RHOT1: variants seen among roughly 807,000 people sequenced by gnomAD.
RHOT1 encodes the protein ras homolog family member T1.
Under a neutral mutation model 95.3 loss-of-function variants are expected in RHOT1, and 27 were observed. The observed-to-expected ratio is 0.28, with a 90% CI of 0.21 to 0.39. RHOT1 has a LOEUF of 0.39. Among genes scored for constraint, RHOT1 ranks in the 10% least tolerant of loss-of-function variants. The pLI, the probability that RHOT1 is intolerant of heterozygous loss-of-function variation, is 1.00. For synonymous variants in RHOT1, 227 were observed against 263.5 expected (o/e 0.86, Z 1.34); for missense variants, 578 against 786.7 (o/e 0.73, Z 3.17).
chr17:32,153,852 T>C (rs191149554), intron 1 of RHOT1, among the ~76,000 whole-genome samples: 13 of 152,296 alleles, frequency 8.5e-5, no homozygotes, highest in Non-Finnish European at 1.5e-4. Flanking sequence ...AAGGCCTTGC[T>C]GTTTTGAGTA....
At chr17:32,149,617 A>AGCG (rs2031942627) in intron 1 of RHOT1, among the ~76,000 whole-genome samples, 1 of 83,684 alleles carries the variant, frequency 1.2e-5, no homozygotes, top group African/African-American at 6.3e-5. Flanking sequence ...ATATATATAT[A>AGCG]TATATATATA....
In RHOT1 at chr17:32,150,874, A is replaced by G. The variant is rs73284185; in HGVS notation, c.37+8145A>G. ...GTAGAAATCTGAAACCACGGGAGAA[A>G]AAGCATAAGCACTGGGGGATGTTCT... On this transcript the variant is annotated intron_variant, in intron 1 of 19. Transcript: ENST00000545287. The G allele has an allele frequency of 7.7e-3, 11,839 of 1,538,086 alleles. 799 individuals are homozygous for G. The African/African-American group carries it at 0.14, about 19-fold the overall frequency.
At chr17:32,158,765 G>A (rs780520847) in intron 1 of RHOT1, among the ~76,000 whole-genome samples, 3 of 152,098 alleles carry the variant, frequency 2.0e-5, no homozygotes, top group South Asian at 4.1e-4. Flanking sequence ...GCCGTTTCTT[G>A]GTATTTTAGC....
chr17:32,159,061 G>A (rs954921256), intron 1 of RHOT1, among the ~76,000 whole-genome samples: 9 of 152,132 alleles, frequency 5.9e-5, no homozygotes, highest in African/African-American at 2.2e-4. Flanking sequence ...CAGGCCTGGA[G>A]CCTCCACTAT....
At chr17:32,156,816 A>G (rs1476535732) in intron 1 of RHOT1, among the ~76,000 whole-genome samples, 2 of 152,270 alleles carry the variant, frequency 1.3e-5, no homozygotes, top group Non-Finnish European at 2.9e-5. Flanking sequence ...GCCAGTGCTC[A>G]TTTTAACACC....
chr17:32,159,951 C>T (rs1199168512), intron 1 of RHOT1: 2 of 152,174 alleles, frequency 1.3e-5, no homozygotes, highest in Non-Finnish European at 2.9e-5. Context: ...ACTTGTGACG[C>T]GGGTCCTCCC....
intron 1 of RHOT1, among the ~76,000 whole-genome samples, chr17:32,154,298 A>AAAAAAAAAAAAAAG (rs1301314348): frequency 6.7e-6 from 1 of 150,102 alleles, no homozygotes; most frequent in African/African-American, 2.5e-5. Flanking sequence ...AAAAAAAAAA[A>AAAAAAAAAAAAAAG]GGCCAGGCGC....
At chr17:32,182,196 T>C (rs73286156) in intron 6 of RHOT1, among the ~76,000 whole-genome samples, 1,725 of 152,320 alleles carry the variant, frequency 0.011, 35 homozygotes, top group African/African-American at 0.039. Context: ...TTTTCACTAT[T>C]GGAATGATCA....
chr17:32,160,423 G>A (rs1016968030), intron 1 of RHOT1: 5 of 152,398 alleles, frequency 3.3e-5, no homozygotes, highest in East Asian at 1.9e-4. Context: ...ACAAGAACTC[G>A]GGACCTGCTG....
At chr17:32,164,782 G>A (rs8064658) in intron 1 of RHOT1, among the ~76,000 whole-genome samples, 6,908 of 151,926 alleles carry the variant, frequency 0.045, 535 homozygotes, top group African/African-American at 0.16. Context: ...TGGGAGGATC[G>A]TTGATCCTGG....
chr17:32,211,913 GA>G (rs901470541), intron 19 of RHOT1, among the ~76,000 whole-genome samples: 10 of 150,062 alleles, frequency 6.7e-5, no homozygotes, highest in Non-Finnish European at 1.3e-4. Flanking sequence ...GAAAGAAAGA[GA>G]AAAAAAAAGG....
In RHOT1 at chr17:32,224,738, A is replaced by T; in HGVS notation, c.*5A>T. On this transcript the variant is annotated 3_prime_UTR_variant, in exon 20 of 20. Coordinates refer to ENST00000545287, the MANE Select transcript of RHOT1 (RefSeq NM_001033566.3). ...GCATTATTGAAACAGCGATGATATA[A>T]AAAGAAATACTGTCCCTACCAAAAA... The T allele has an allele frequency of 6.4e-7, 1 of 1,560,252 alleles. No individual in the cohort carries two copies. Among genetic ancestry groups the T allele is most frequent in the Non-Finnish European group, 8.8e-7 (1 of 1,133,508 alleles).
chr17:32,175,382 G>A lies in RHOT1; in HGVS notation c.222+20G>A. 1 of 1,604,162 alleles carries A rather than the reference G, an allele frequency of 6.2e-7. No homozygotes were observed. Among genetic ancestry groups the A allele is most frequent in the Non-Finnish European group, 8.5e-7 (1 of 1,171,002 alleles). On this transcript the variant is annotated intron_variant, in intron 4 of 19. Coordinates refer to ENST00000545287, the MANE Select transcript of RHOT1 (RefSeq NM_001033566.3). ...TCTCAGGTGAGCTTTAAAAAACAGA[G>A]GTGTGGGGTTTTGTGTAGAAAAACA...
chr17:32,194,908 A>T (rs1177576990), intron 11 of RHOT1, among the ~76,000 whole-genome samples: 2 of 146,780 alleles, frequency 1.4e-5, no homozygotes, highest in Non-Finnish European at 3.0e-5. Context: ...GGCTCACTGC[A>T]ACCTCCCACC....
chr17:32,171,185 A>G, intron 2 of RHOT1, 84 bp downstream of exon 2: 8 of 913,318 alleles, frequency 8.8e-6, no homozygotes, highest in Non-Finnish European at 1.3e-5. Flanking sequence ...CTCTTTTGGC[A>G]TGTGTTATGT....
At chr17:32,194,243 T>C in intron 11 of RHOT1, 136 bp downstream of exon 11, 1 of 813,930 alleles carries the variant, frequency 1.2e-6, no homozygotes. Flanking sequence ...ATTGCTGTGA[T>C]TAAAGGCATT....
chr17:32,161,733 G>C (rs1357442367), intron 1 of RHOT1, among the ~76,000 whole-genome samples: 1 of 152,182 alleles, frequency 6.6e-6, no homozygotes, highest in East Asian at 1.9e-4. Context: ...TGCAAAGGCA[G>C]TTTCACCACC....
chr17:32,175,683 T>C (rs1480645578), intron 4 of RHOT1, among the ~76,000 whole-genome samples: 1 of 152,228 alleles, frequency 6.6e-6, no homozygotes, highest in African/African-American at 2.4e-5. Flanking sequence ...CTCAAACTCC[T>C]GCCCTCAAGT....
chr17:32,196,850 G>T (rs771802136), intron 11 of RHOT1, among the ~76,000 whole-genome samples: 12 of 152,080 alleles, frequency 7.9e-5, no homozygotes, highest in Non-Finnish European at 1.6e-4. Context: ...GGGGCCGGGT[G>T]TGGTGGCTCA....
Sources: gnomAD v4.1 joint callset for allele counts (sites outside exome capture counted in the v4.1 genomes callset) on GRCh38, gnomAD v4.1.1 for gene constraint, MANE v1.5 for transcripts, NCBI Gene and HGNC (gene_info 2026-07-23, HGNC 2026-07-21) for gene names.